PPP1R16B: variants seen among roughly 807,000 people sequenced by gnomAD.
PPP1R16B encodes the protein protein phosphatase 1 regulatory inhibitor subunit 16B.
In PPP1R16B, 14 loss-of-function variants were observed where a neutral mutation model predicts 61.7. The ratio of observed to expected loss-of-function variants is 0.23; its 90% CI spans 0.15 to 0.35. PPP1R16B has a LOEUF of 0.35. Among genes scored for constraint, PPP1R16B ranks in the 10% least tolerant of loss-of-function variants. The pLI, the probability that PPP1R16B is intolerant of heterozygous loss-of-function variation, is 1.00. For missense variants in PPP1R16B, 547 were observed against 752.5 expected, an observed-to-expected ratio of 0.73 and a Z score of 3.19; for synonymous variants, 266 against 305.3, an observed-to-expected ratio of 0.87 and a Z score of 1.34.
intron 2 of PPP1R16B, among the ~76,000 whole-genome samples, chr20:38,881,601 G>A (rs1463262922): frequency 6.6e-6 from 1 of 152,198 alleles, no homozygotes; most frequent in Non-Finnish European, 1.5e-5. Flanking sequence ...GATGCAGCAG[G>A]GAGACCGACA....
chr20:38,847,243 T>C (rs187653367), intron 2 of PPP1R16B, among the ~76,000 whole-genome samples: 2 of 152,230 alleles, frequency 1.3e-5, no homozygotes, highest in African/African-American at 4.8e-5. Context: ...ATATTTGATA[T>C]ATGGAAAATA....
Position 38,907,493 on chromosome 20 carries a change from G to T in PPP1R16B, c.899-313G>T, listed in dbSNP as rs1014007819. Among the ~76,000 whole-genome samples the T allele has an allele frequency of 1.3e-5, 2 of 152,158 alleles. No homozygotes were observed. Among genetic ancestry groups the T allele is most frequent in the Non-Finnish European group, 2.9e-5 (2 of 68,022 alleles). ...TATTAGCATCTTTGCATAATTTATT[G>T]CTTGGGCTATGTGGGGTACCTGCTT... On this transcript the variant is annotated intron_variant, in intron 8 of 10. Coordinates refer to ENST00000299824, the MANE Select transcript of PPP1R16B (RefSeq NM_015568.4). The surrounding 1 kb of genome is among the most constrained non-coding windows in gnomAD (Gnocchi z 4.5).
At chr20:38,818,326 G>A (rs533953360) in intron 1 of PPP1R16B, among the ~76,000 whole-genome samples, 3 of 152,202 alleles carry the variant, frequency 2.0e-5, no homozygotes, top group African/African-American at 7.2e-5. Context: ...CCACTGGGGA[G>A]GAGTGAATCA....
intron 2 of PPP1R16B, among the ~76,000 whole-genome samples, chr20:38,884,306 G>A (rs995567701): frequency 2.6e-5 from 4 of 152,204 alleles, no homozygotes; most frequent in African/African-American, 7.2e-5. Flanking sequence ...TTATGCAAGC[G>A]TATTTGCATA....
chr20:38,894,236 G>A (rs208794), intron 3 of PPP1R16B, among the ~76,000 whole-genome samples: 87,978 of 151,820 alleles, frequency 0.58, 25,896 homozygotes, highest in South Asian at 0.72. Flanking sequence ...TGGCTTCCCT[G>A]GGGATAGGGG....
intron 2 of PPP1R16B, among the ~76,000 whole-genome samples, chr20:38,878,869 T>C (rs990054852): frequency 6.6e-6 from 1 of 152,216 alleles, no homozygotes; most frequent in Non-Finnish European, 1.5e-5. Context: ...TTTTTAAAAA[T>C]TCAGGATTGA....
At chr20:38,869,715 C>T (rs766188376) in intron 2 of PPP1R16B, among the ~76,000 whole-genome samples, 22 of 151,918 alleles carry the variant, frequency 1.4e-4, no homozygotes, top group Non-Finnish European at 2.9e-4. Context: ...AACTTATATG[C>T]GAAGATTTTT....
chr20:38,868,696 A>G (rs208811), intron 2 of PPP1R16B, among the ~76,000 whole-genome samples: 84,224 of 152,008 alleles, frequency 0.55, 23,593 homozygotes, highest in South Asian at 0.72. Flanking sequence ...GTAAATTGAC[A>G]TTGATACGGT....
chr20:38,913,009 A>G (rs2085504643), intron 10 of PPP1R16B, among the ~76,000 whole-genome samples: 1 of 152,146 alleles, frequency 6.6e-6, no homozygotes, highest in African/African-American at 2.4e-5. Flanking sequence ...AGCTGGGACT[A>G]CAGGCACCCG....
intron 2 of PPP1R16B, among the ~76,000 whole-genome samples, chr20:38,856,293 C>A (rs1308799541): frequency 6.6e-6 from 1 of 152,052 alleles, no homozygotes; most frequent in Non-Finnish European, 1.5e-5. Context: ...AGTGGGGCAA[C>A]AGAAGACAGC....
chr20:38,854,030 G>C (rs2084986650), intron 2 of PPP1R16B, among the ~76,000 whole-genome samples: 1 of 152,148 alleles, frequency 6.6e-6, no homozygotes, highest in South Asian at 2.1e-4. Context: ...TGATTCATTG[G>C]GGGCCATTGT....
At chr20:38,916,214 G>A (rs1226709657) in intron 10 of PPP1R16B, among the ~76,000 whole-genome samples, 1 of 150,392 alleles carries the variant, frequency 6.6e-6, no homozygotes, top group Non-Finnish European at 1.5e-5. Context: ...AGGAGAAAGC[G>A]AAGAAATACA....
intron 2 of PPP1R16B, among the ~76,000 whole-genome samples, chr20:38,876,007 C>A (rs1287827958): frequency 7.8e-6 from 1 of 128,044 alleles, no homozygotes; most frequent in African/African-American, 3.1e-5. Flanking sequence ...GAGTTTCGCT[C>A]TTGTTGCCCA....
At chr20:38,909,922 T>G (rs773682516) in intron 10 of PPP1R16B, among the ~76,000 whole-genome samples, 11 of 152,212 alleles carry the variant, frequency 7.2e-5, no homozygotes, top group Non-Finnish European at 1.6e-4. Flanking sequence ...GCTTTATTTA[T>G]TTTTCCTTTG....
intron 1 of PPP1R16B, among the ~76,000 whole-genome samples, chr20:38,810,769 C>A (rs1315010921): frequency 6.6e-6 from 1 of 152,180 alleles, no homozygotes; most frequent in African/African-American, 2.4e-5. Context: ...ACTTATCCCC[C>A]ACTGCACAGA....
rs1568679038 is a variant in PPP1R16B, at chr20:38,895,924, CCCTCCTTCCT to C, written c.467+215_467+224del. 3.8e-4 allele frequency among the ~76,000 whole-genome samples: 21 copies of C among 55,666 alleles called. 1 individual carries two copies. Among genetic ancestry groups the C allele is most frequent in the Admixed American group, 5.6e-4 (3 of 5,366 alleles). 36.5% of individuals were successfully genotyped at this position (55,666 alleles called of 152,430 possible). ...CTCCTTCCTTCTTTCTTCCCTCCCT[CCCTCCTTCCT>C]TCTTTCTTCCCTCCCTCCCTCCTTT... On this transcript the variant is annotated intron_variant, in intron 4 of 10. Coordinates refer to ENST00000299824, the MANE Select transcript of PPP1R16B (RefSeq NM_015568.4).
rs1383448343 is a variant in PPP1R16B at position 38,907,845 on chromosome 20, A to T, written c.938A>T (p.Glu313Val). ...EEEEFKVLLL[E>V]LKHKHDVIMK... ...GAAGAGTTCAAGGTCCTGCTGCTGG[A>T]GCTAAAACACAAGCATGATGTGATC... The change falls in exon 9 of 11, where the codon GAG becomes GTG. Residue 313 changes from glutamate to valine, a missense_variant. By Grantham distance (121) the Glu-to-Val change is moderately radical. Transcript: ENST00000299824. This position sits in a 1 kb window ranked among gnomAD's most constrained non-coding sequence, Gnocchi z 4.5. The T allele has an allele frequency of 6.2e-7, 1 of 1,613,976 alleles. No homozygotes were observed. The highest frequency in any genetic ancestry group is 1.3e-5 in the African/African-American group (1 of 74,890).
At chr20:38,868,542 G>C (rs915082116) in intron 2 of PPP1R16B, among the ~76,000 whole-genome samples, 1 of 152,012 alleles carries the variant, frequency 6.6e-6, no homozygotes. Context: ...ATGCCACCTC[G>C]CCTGGCTAGT....
At chr20:38,807,042 C>G (rs1486934553) in intron 1 of PPP1R16B, among the ~76,000 whole-genome samples, 1 of 152,230 alleles carries the variant, frequency 6.6e-6, no homozygotes, top group East Asian at 1.9e-4. Flanking sequence ...GGTGCCGCCT[C>G]TGAATCACCC....
Sources: gnomAD v4.1 joint callset for allele counts (sites outside exome capture counted in the v4.1 genomes callset) on GRCh38, gnomAD v4.1.1 for gene constraint, Gnocchi (gnomAD v3.1) non-coding constraint, MANE v1.5 for transcripts, NCBI Gene and HGNC (gene_info 2026-07-23, HGNC 2026-07-21) for gene names.